CDH18: variants seen among roughly 807,000 people sequenced by gnomAD.
CDH18 encodes the protein cadherin-18.
CDH18 carries 31 observed loss-of-function variants against 67.9 expected under a neutral mutation model. The observed-to-expected ratio is 0.46, with a 90% CI of 0.34 to 0.62. CDH18 has a LOEUF of 0.62. Ranked by LOEUF, CDH18 falls within the 20% of genes least tolerant of loss-of-function variation. The pLI is 0.01. For missense variants in CDH18, 890 were observed against 975.5 expected, an observed-to-expected ratio of 0.91 and a Z score of 1.17; for synonymous variants, 362 against 347.2, an observed-to-expected ratio of 1.04 and a Z score of -0.48.
chr5:19,493,739 T>C (rs987765871), intron 11 of CDH18, among the ~76,000 whole-genome samples: 4 of 152,192 alleles, frequency 2.6e-5, no homozygotes, highest in Non-Finnish European at 4.4e-5. Context: ...TGGTAAATGT[T>C]TAATCACATT....
chr5:19,593,172 A>G (rs1442239524), intron 6 of CDH18, among the ~76,000 whole-genome samples: 1 of 152,150 alleles, frequency 6.6e-6, no homozygotes, highest in Non-Finnish European at 1.5e-5. Context: ...GATTTTTTAA[A>G]TAAATACTCA....
rs1756425461 is a variant in CDH18, at chr5:19,656,509, T to C, written c.644-43908A>G. On this transcript the variant is annotated intron_variant, in intron 5 of 12. Coordinates refer to ENST00000382275, the MANE Select transcript of CDH18 (RefSeq NM_004934.5). ...TAGAAATACATTTTCTTATTTCGTTTGGACAGCTTAGAAATGTAGATGAGT... is the reference window on the plus strand; with the variant it reads ...TAGAAATACATTTTCTTATTTCGTTCGGACAGCTTAGAAATGTAGATGAGT... Among the ~76,000 whole-genome samples the C allele has an allele frequency of 5.9e-5, 9 of 152,142 alleles. No individual in the cohort carries two copies. The South Asian group carries it at 1.9e-3, about 31-fold the overall frequency.
At chr5:20,244,207 T>C (rs1743201529) in intron 2 of CDH18, among the ~76,000 whole-genome samples, 1 of 152,132 alleles carries the variant, frequency 6.6e-6, no homozygotes. Context: ...CTGAATTTTA[T>C]GTTTGAAATT....
intron 2 of CDH18, among the ~76,000 whole-genome samples, chr5:20,089,542 AGATT>A (rs1156692663): frequency 2.6e-5 from 4 of 152,168 alleles, no homozygotes; most frequent in Non-Finnish European, 5.9e-5. Flanking sequence ...TGACTTAGAT[AGATT>A]ATGACAATAT....
chr5:19,624,000 T>TATC (rs1005226940), intron 5 of CDH18, among the ~76,000 whole-genome samples: 2 of 147,598 alleles, frequency 1.4e-5, no homozygotes, highest in Non-Finnish European at 3.0e-5. Flanking sequence ...TTATTATTAT[T>TATC]ATTATTATTA....
chr5:20,353,871 G>C (rs1741398783), intron 1 of CDH18, among the ~76,000 whole-genome samples: 1 of 152,150 alleles, frequency 6.6e-6, no homozygotes, highest in South Asian at 2.1e-4. Context: ...AAACTAGACA[G>C]GTTTCCGTAT....
At chr5:20,513,818 C>G (rs191479714) in intron 1 of CDH18, among the ~76,000 whole-genome samples, 247 of 152,158 alleles carry the variant, frequency 1.6e-3, no homozygotes, top group Non-Finnish European at 3.0e-3. Flanking sequence ...AAAGCTTGCA[C>G]AGCAAATCGC....
At chr5:20,538,909 G>GTTTTTTTTTTTT (rs35247774) in intron 1 of CDH18, among the ~76,000 whole-genome samples, 13 of 118,728 alleles carry the variant, frequency 1.1e-4, no homozygotes, top group African/African-American at 4.0e-4. Context: ...TTTTTTTTTT[G>GTTTTTTTTTTTT]TTTTTTTTTT....
chr5:20,325,666 A>C (rs942421579), intron 1 of CDH18, among the ~76,000 whole-genome samples: 2 of 152,034 alleles, frequency 1.3e-5, no homozygotes, highest in Non-Finnish European at 2.9e-5. Flanking sequence ...TAGAAAAAAA[A>C]AAGAAATAAA....
intron 1 of CDH18, among the ~76,000 whole-genome samples, chr5:19,981,837 T>C (rs959460372): frequency 5.9e-5 from 9 of 152,150 alleles, no homozygotes; most frequent in Admixed American, 1.3e-4. Context: ...CCACACTTCC[T>C]CCCAGGCTTC....
intron 2 of CDH18, among the ~76,000 whole-genome samples, chr5:20,023,591 G>A (rs1161561270): frequency 6.6e-6 from 1 of 150,420 alleles, no homozygotes; most frequent in African/African-American, 2.5e-5. Context: ...CCCGGGAGGC[G>A]GAGTTTGTAG....
chr5:20,389,245 G>A (rs1217675514), intron 1 of CDH18, among the ~76,000 whole-genome samples: 1 of 152,038 alleles, frequency 6.6e-6, no homozygotes, highest in Non-Finnish European at 1.5e-5. Flanking sequence ...CCTCTATTGG[G>A]TGCATATATA....
chr5:19,809,492 A>C (rs1370066074), intron 3 of CDH18, among the ~76,000 whole-genome samples: 1 of 151,526 alleles, frequency 6.6e-6, no homozygotes, highest in Non-Finnish European at 1.5e-5. Context: ...ACTAACCTGC[A>C]CATTGTGCAC....
intron 2 of CDH18, among the ~76,000 whole-genome samples, chr5:20,112,975 A>C (rs1747602035): frequency 6.6e-6 from 1 of 152,214 alleles, no homozygotes; most frequent in African/African-American, 2.4e-5. Context: ...TTTTTAAATT[A>C]AAATTCTCAT....
At chr5:19,791,303 C>G (rs141046295) in intron 3 of CDH18, among the ~76,000 whole-genome samples, 154 of 151,004 alleles carry the variant, frequency 1.0e-3, no homozygotes, top group African/African-American at 3.1e-3. Context: ...TCACGGAACA[C>G]AGATGTGTGG....
At chr5:20,419,056 C>A (rs1343087648) in intron 1 of CDH18, among the ~76,000 whole-genome samples, 1 of 151,962 alleles carries the variant, frequency 6.6e-6, no homozygotes, top group Non-Finnish European at 1.5e-5. Context: ...CTAGAATTCT[C>A]ACGTGTTGTG....
intron 2 of CDH18, among the ~76,000 whole-genome samples, chr5:19,971,995 T>C (rs1054524412): frequency 6.6e-6 from 1 of 152,166 alleles, no homozygotes; most frequent in South Asian, 2.1e-4. Flanking sequence ...AAAATACAAA[T>C]GTGCTTTCTG....
intron 2 of CDH18, among the ~76,000 whole-genome samples, chr5:20,243,469 T>G (rs1743142022): frequency 6.6e-6 from 1 of 152,098 alleles, no homozygotes; most frequent in Non-Finnish European, 1.5e-5. Flanking sequence ...CTAAATAAAT[T>G]AGCATGAATC....
chr5:19,865,921 C>T (rs1785434500), intron 2 of CDH18, among the ~76,000 whole-genome samples: 1 of 152,148 alleles, frequency 6.6e-6, no homozygotes, highest in African/African-American at 2.4e-5. Flanking sequence ...GCTGTATTGT[C>T]TAGACCTGAT....
Sources: allele counts gnomAD v4.1 joint callset (sites outside exome capture counted in the v4.1 genomes callset), GRCh38; gene constraint gnomAD v4.1.1; transcripts MANE v1.5; gene names NCBI Gene and HGNC (gene_info 2026-07-23, HGNC 2026-07-21).